TBC1D15: variants seen among roughly 807,000 people sequenced by gnomAD.
TBC1D15 encodes GAP for RAB7.
In TBC1D15, 39 loss-of-function variants were observed where a neutral mutation model predicts 95.4. The ratio of observed to expected loss-of-function variants is 0.41; its 90% CI spans 0.32 to 0.53. The LOEUF (loss-of-function observed/expected upper bound fraction) is 0.53. Among genes scored for constraint, TBC1D15 ranks in the 20% least tolerant of loss-of-function variants. The probability of loss-of-function intolerance (pLI) is 0.29; values close to 1 mark genes in which losing one functional copy is unlikely to be tolerated. For synonymous variants in TBC1D15, 258 were observed against 261.3 expected (o/e 0.99, Z 0.12); for missense variants, 733 against 794.3 (o/e 0.92, Z 0.93).
At chr12:71,907,842 T>C (rs893277416) in intron 11 of TBC1D15, 2 of 152,240 alleles carry the variant, frequency 1.3e-5, no homozygotes, top group African/African-American at 4.8e-5. Context: ...TTACTCTTTT[T>C]TTGGTAAATC....
intron 10 of TBC1D15, among the ~76,000 whole-genome samples, chr12:71,900,422 G>A (rs1389504157): frequency 6.6e-6 from 1 of 152,054 alleles, no homozygotes; most frequent in Non-Finnish European, 1.5e-5. Context: ...AAGCTTGTGG[G>A]AGTTATTTGT....
At chr12:71,854,750 A>C (rs1279707035) in intron 1 of TBC1D15, 6 of 456,208 alleles carry the variant, frequency 1.3e-5, no homozygotes, top group Admixed American at 9.4e-5. Flanking sequence ...CTTCCAAAAC[A>C]ATTGCATTCC....
intron 1 of TBC1D15, among the ~76,000 whole-genome samples, chr12:71,842,975 T>A (rs1885429342): frequency 6.6e-6 from 1 of 152,018 alleles, no homozygotes; most frequent in African/African-American, 2.4e-5. Context: ...CCTGTTAGTG[T>A]ATTAGAATTT....
intron 1 of TBC1D15, chr12:71,861,475 G>GT (rs1298836773): frequency 6.5e-7 from 1 of 1,536,560 alleles, no homozygotes. Flanking sequence ...ACTCCAGTTT[G>GT]TTGGAGTATG....
chr12:71,906,046 T>A (rs950892601), intron 10 of TBC1D15, among the ~76,000 whole-genome samples: 7 of 152,060 alleles, frequency 4.6e-5, no homozygotes, highest in African/African-American at 1.4e-4. Context: ...CTAATTTTTG[T>A]ATTTTTGGTA....
chr12:71,919,533 G>A (rs766420794), intron 14 of TBC1D15, among the ~76,000 whole-genome samples: 18 of 152,136 alleles, frequency 1.2e-4, no homozygotes, highest in Non-Finnish European at 2.1e-4. Flanking sequence ...TGATGGCTGT[G>A]CTACCATTAG....
intron 10 of TBC1D15, among the ~76,000 whole-genome samples, chr12:71,899,910 G>A (rs1387781843): frequency 1.3e-5 from 2 of 152,108 alleles, no homozygotes; most frequent in Non-Finnish European, 2.9e-5. Flanking sequence ...AGTGAGCTGC[G>A]ATTGTGCCAC....
At chr12:71,855,078 G>A (rs932194007) in intron 1 of TBC1D15, among the ~76,000 whole-genome samples, 2 of 152,122 alleles carry the variant, frequency 1.3e-5, no homozygotes, top group African/African-American at 4.8e-5. Context: ...AAACTTCATG[G>A]CAGAAGGCGA....
At chr12:71,881,367 A>G (rs1895087830) in intron 4 of TBC1D15, among the ~76,000 whole-genome samples, 1 of 152,226 alleles carries the variant, frequency 6.6e-6, no homozygotes, top group South Asian at 2.1e-4. Flanking sequence ...GCATAATCTG[A>G]CAATAAAGAT....
At chr12:71,914,736 A>G (rs958479295) in intron 12 of TBC1D15, among the ~76,000 whole-genome samples, 10 of 152,048 alleles carry the variant, frequency 6.6e-5, no homozygotes, top group African/African-American at 2.4e-4. Flanking sequence ...CAAGGGATAA[A>G]CATTTTGAAT....
At chr12:71,876,095 A>G (rs1893759553) in intron 3 of TBC1D15, among the ~76,000 whole-genome samples, 2 of 152,182 alleles carry the variant, frequency 1.3e-5, no homozygotes, top group African/African-American at 4.8e-5. Flanking sequence ...ACCTAGCCCT[A>G]AAGATTTTAT....
At chr12:71,906,563 C>T (rs927283022) in intron 10 of TBC1D15, among the ~76,000 whole-genome samples, 7 of 151,138 alleles carry the variant, frequency 4.6e-5, no homozygotes, top group Non-Finnish European at 1.0e-4. Flanking sequence ...TTTGATTATA[C>T]TTCTTATAAT....
chr12:71,855,942 T>TGC (rs201605083), intron 1 of TBC1D15, among the ~76,000 whole-genome samples: 16 of 150,464 alleles, frequency 1.1e-4, no homozygotes, highest in African/African-American at 4.0e-4. Flanking sequence ...GTGGTTTTTT[T>TGC]TGGGGGGGGG....
intron 3 of TBC1D15, among the ~76,000 whole-genome samples, chr12:71,879,451 G>T (rs1378612325): frequency 6.6e-6 from 1 of 152,004 alleles, no homozygotes; most frequent in Non-Finnish European, 1.5e-5. Flanking sequence ...ACCTGTCTCT[G>T]TTTAATGTAT....
chr12:71,868,738 C>T (rs929429412), intron 1 of TBC1D15: 5 of 152,098 alleles, frequency 3.3e-5, no homozygotes, highest in African/African-American at 1.2e-4. Context: ...ATAGGGTTCA[C>T]CTTGTTAAAG....
At chr12:71,876,499 C>T (rs1385588181) in intron 3 of TBC1D15, among the ~76,000 whole-genome samples, 1 of 152,134 alleles carries the variant, frequency 6.6e-6, no homozygotes, top group Non-Finnish European at 1.5e-5. Context: ...ACAAGCTTAT[C>T]CTGGACTGAT....
chr12:71,894,910 C>T (rs1194071165), intron 7 of TBC1D15, 27 bp downstream of exon 7: 7 of 1,578,168 alleles, frequency 4.4e-6, no homozygotes, highest in Non-Finnish European at 6.1e-6. Context: ...ATTAATATAG[C>T]TCTTATATTT....
intron 10 of TBC1D15, among the ~76,000 whole-genome samples, chr12:71,903,985 A>G (rs74993327): frequency 0.059 from 8,979 of 152,288 alleles, 356 homozygotes; most frequent in South Asian, 0.15. Flanking sequence ...AAACTTGGCA[A>G]TGTACCCCTT....
At chr12:71,921,923 A>G (rs1869518389) in intron 16 of TBC1D15, among the ~76,000 whole-genome samples, 1 of 152,216 alleles carries the variant, frequency 6.6e-6, no homozygotes, top group South Asian at 2.1e-4. Flanking sequence ...GAACCAAAGC[A>G]GTATACTTTT....
Sources: gnomAD v4.1 joint callset for allele counts (sites outside exome capture counted in the v4.1 genomes callset) on GRCh38, gnomAD v4.1.1 for gene constraint, MANE v1.5 for transcripts, NCBI Gene and HGNC (gene_info 2026-07-23, HGNC 2026-07-21) for gene names.